The following GTF2F2 variants were observed in gnomAD, a reference collection of about 807,000 sequenced individuals.
GTF2F2 encodes the protein ATP-dependent helicase GTF2F2.
Under a neutral mutation model 42.2 loss-of-function variants are expected in GTF2F2, and 23 were observed. The ratio of observed to expected loss-of-function variants is 0.55; its 90% confidence interval spans 0.39 to 0.77. GTF2F2 has a LOEUF of 0.77. GTF2F2 is among the 30% of genes least tolerant of loss of function. GTF2F2 has a pLI of 0.00. For synonymous variants in GTF2F2, 105 were observed against 100.8 expected (o/e 1.04, Z -0.25); for missense variants, 261 against 287.2 (o/e 0.91, Z 0.66).
intron 5 of GTF2F2, among the ~76,000 whole-genome samples, chr13:45,245,470 C>T (rs891097311): frequency 1.3e-5 from 2 of 151,940 alleles, no homozygotes; most frequent in African/African-American, 4.8e-5. Context: ...TCTCCCACCA[C>T]CACATCCCCA....
intron 4 of GTF2F2, among the ~76,000 whole-genome samples, chr13:45,186,447 A>G (rs755208853): frequency 3.3e-5 from 5 of 150,240 alleles, no homozygotes; most frequent in African/African-American, 7.4e-5. Flanking sequence ...GTCCACCACC[A>G]CACCCTGCTA....
chr13:45,188,928 A>C (rs1390080692), intron 4 of GTF2F2, among the ~76,000 whole-genome samples: 1 of 150,912 alleles, frequency 6.6e-6, no homozygotes, highest in Non-Finnish European at 1.5e-5. Flanking sequence ...TTTTAATTTA[A>C]GTTCTAGGGT....
intron 1 of GTF2F2, among the ~76,000 whole-genome samples, chr13:45,122,300 C>G (rs1868683798): frequency 6.6e-6 from 1 of 151,836 alleles, no homozygotes; most frequent in Non-Finnish European, 1.5e-5. Flanking sequence ...GTGTGCAGTA[C>G]GAATTAGAGG....
At chr13:45,140,900 A>AG (rs1869897183) in intron 2 of GTF2F2, among the ~76,000 whole-genome samples, 1 of 152,208 alleles carries the variant, frequency 6.6e-6, no homozygotes, top group Admixed American at 6.5e-5. Context: ...ATACAGCTCA[A>AG]GACCTGGCTT....
intron 5 of GTF2F2, among the ~76,000 whole-genome samples, chr13:45,247,069 G>A (rs1176291042): frequency 6.7e-6 from 1 of 148,314 alleles, no homozygotes; most frequent in East Asian, 2.0e-4. Flanking sequence ...AAGCTTCTTG[G>A]CTGGGCACTG....
chr13:45,173,953 AT>A (rs1190307099), intron 4 of GTF2F2, among the ~76,000 whole-genome samples: 2 of 152,292 alleles, frequency 1.3e-5, no homozygotes, highest in East Asian at 3.9e-4. Context: ...TATAACTGTT[AT>A]GTAAACAAGT....
intron 2 of GTF2F2, among the ~76,000 whole-genome samples, chr13:45,144,522 G>A (rs150127741): frequency 0.016 from 2,126 of 136,762 alleles, 146 homozygotes; most frequent in East Asian, 0.15. Flanking sequence ...GTGCAGTGGC[G>A]CGATCTCGGC....
intron 4 of GTF2F2, among the ~76,000 whole-genome samples, chr13:45,157,952 C>G (rs1408277744): frequency 6.6e-6 from 1 of 152,112 alleles, no homozygotes; most frequent in Non-Finnish European, 1.5e-5. Context: ...TTTCCTTTTT[C>G]TCTATATATC....
intron 4 of GTF2F2, among the ~76,000 whole-genome samples, chr13:45,202,129 G>A (rs1218292558): frequency 6.6e-6 from 1 of 152,140 alleles, no homozygotes; most frequent in African/African-American, 2.4e-5. Flanking sequence ...GCTCACACCT[G>A]TAATCCTAGC....
intron 5 of GTF2F2, among the ~76,000 whole-genome samples, chr13:45,248,314 T>C (rs1875731485): frequency 6.6e-6 from 1 of 152,192 alleles, no homozygotes; most frequent in African/African-American, 2.4e-5. Context: ...CCAAGCACTT[T>C]CTCTATGTCT....
intron 7 of GTF2F2, among the ~76,000 whole-genome samples, chr13:45,281,561 T>C (rs1593534726): frequency 1.3e-5 from 2 of 152,312 alleles, no homozygotes; most frequent in South Asian, 2.1e-4. Context: ...TAGTATATAG[T>C]TACATGAGTC....
intron 5 of GTF2F2, among the ~76,000 whole-genome samples, chr13:45,247,487 G>A (rs1331251847): frequency 6.6e-6 from 1 of 151,880 alleles, no homozygotes; most frequent in Non-Finnish European, 1.5e-5. Context: ...CCGCCTCCTG[G>A]CTTCAAGCAA....
chr13:45,234,312 G>A (rs1874837800), intron 5 of GTF2F2, among the ~76,000 whole-genome samples: 1 of 152,180 alleles, frequency 6.6e-6, no homozygotes, highest in Admixed American at 6.5e-5. Context: ...ATAAGTGACT[G>A]AAACATAAAG....
intron 7 of GTF2F2, among the ~76,000 whole-genome samples, chr13:45,274,494 T>C: frequency 6.6e-6 from 1 of 152,006 alleles, no homozygotes; most frequent in South Asian, 2.1e-4. Context: ...ACCTAGCTAA[T>C]TTTTTTGTAT....
intron 4 of GTF2F2, among the ~76,000 whole-genome samples, chr13:45,200,426 A>C (rs61949175): frequency 0.21 from 31,244 of 151,490 alleles, 3,399 homozygotes; most frequent in African/African-American, 0.23. Context: ...GCCTTAGGAA[A>C]CTCCCGTATA....
chr13:45,209,889 C>T (rs950531309), intron 5 of GTF2F2, among the ~76,000 whole-genome samples: 25 of 152,152 alleles, frequency 1.6e-4, no homozygotes, highest in African/African-American at 5.8e-4. Context: ...AGTCTTAGTT[C>T]TTGACTCCTC....
chr13:45,133,719 A>G (rs1408747614), intron 1 of GTF2F2, among the ~76,000 whole-genome samples: 1 of 152,186 alleles, frequency 6.6e-6, no homozygotes. Flanking sequence ...ATCCTGAGTT[A>G]TGAACCTGTT....
chr13:45,205,088 G>A (rs1873358740), intron 4 of GTF2F2, among the ~76,000 whole-genome samples: 1 of 152,158 alleles, frequency 6.6e-6, no homozygotes. Flanking sequence ...AATAAGTGGG[G>A]AGCATTCACT....
intron 5 of GTF2F2, among the ~76,000 whole-genome samples, chr13:45,228,347 T>C: frequency 6.9e-6 from 1 of 144,468 alleles, no homozygotes; most frequent in South Asian, 2.2e-4. Context: ...TGACAAATTA[T>C]AGGAATTACC....
Sources: allele counts gnomAD v4.1 joint callset (sites outside exome capture counted in the v4.1 genomes callset), GRCh38; gene constraint gnomAD v4.1.1; transcripts MANE v1.5; gene names NCBI Gene and HGNC (gene_info 2026-07-23, HGNC 2026-07-21).